Variants in ARSG observed in about 807,000 individuals in gnomAD.
ARSG encodes the protein arylsulfatase G, also known as ASG.
In ARSG, 37 loss-of-function variants were observed where a neutral mutation model predicts 50.5. The observed-to-expected ratio is 0.73, with a 90% CI of 0.56 to 0.96. The LOEUF is 0.96. ARSG is among the 50% of genes least tolerant of loss of function. The pLI is 0.00. For synonymous variants in ARSG, 225 were observed against 254.6 expected (o/e 0.88, Z 1.11); for missense variants, 629 against 675.3 (o/e 0.93, Z 0.76).
rs1411895872 is a variant in ARSG at position 68,418,116 on chromosome 17, C to T, written c.1304-2073C>T. On this transcript the variant is annotated intron_variant, in intron 11 of 11. Coordinates refer to ENST00000621439, the MANE Select transcript of ARSG (RefSeq NM_001267727.2). ...ACCTCCTTATGTGCCAGACTAGAAACTGGGAGTCTCCTATTTAGTCGTCCT... is the reference window on the plus strand; with the variant it reads ...ACCTCCTTATGTGCCAGACTAGAAATTGGGAGTCTCCTATTTAGTCGTCCT... 3.3e-5 allele frequency among the ~76,000 whole-genome samples: 5 copies of T among 152,132 alleles called. No homozygotes were observed. The East Asian group carries it at 5.8e-4, about 18-fold the overall frequency.
intron 2 of ARSG, among the ~76,000 whole-genome samples, chr17:68,337,051 G>A (rs1010880468): frequency 2.0e-5 from 3 of 152,058 alleles, no homozygotes; most frequent in African/African-American, 4.8e-5. Flanking sequence ...ATAGAACTTG[G>A]TGACCACCTG....
At chr17:68,337,246 G>A (rs963264690) in intron 2 of ARSG, among the ~76,000 whole-genome samples, 7 of 152,200 alleles carry the variant, frequency 4.6e-5, no homozygotes, top group Non-Finnish European at 1.0e-4. Context: ...CGGGAGGGGA[G>A]GGGAGCGAAG....
intron 11 of ARSG, among the ~76,000 whole-genome samples, chr17:68,404,363 C>A (rs1362796599): frequency 1.3e-5 from 2 of 152,146 alleles, no homozygotes; most frequent in Non-Finnish European, 2.9e-5. Flanking sequence ...GTTAAGGCAA[C>A]CTGTACACAA....
the ARSG span, chr17:68,429,919 T>G: frequency 6.3e-7 from 1 of 1,596,430 alleles, no homozygotes. Flanking sequence ...TCTTTTCAGG[T>G]TTGGGGATTT....
rs3072871 is a variant in ARSG, at chr17:68,419,017, C to CAAA, written c.1304-1157_1304-1155dup. ...TTAACTGCTTTTTCTATAGCAAAGC[C>CAAA]AAAAAAAAAAAAAAAAAGTCATCGG... On this transcript the variant is annotated intron_variant, in intron 11 of 11. Coordinates refer to ENST00000621439, the MANE Select transcript of ARSG (RefSeq NM_001267727.2). 2.6e-3 allele frequency among the ~76,000 whole-genome samples: 288 copies of CAAA among 112,916 alleles called. 2 individuals carry two copies. Among genetic ancestry groups the CAAA allele is most frequent in the African/African-American group, 4.7e-3 (155 of 33,266 alleles). The allele number at this position is 112,916 out of a possible 152,430, so 74.1% of individuals were successfully genotyped here.
intron 9 of ARSG, 102 bp downstream of exon 9, chr17:68,385,274 G>A (rs2080654955): frequency 3.0e-6 from 3 of 1,015,426 alleles, no homozygotes; most frequent in Non-Finnish European, 4.5e-6. Context: ...ATGGAGGCAT[G>A]GGTGGCTAGA....
At chr17:68,347,271 AC>A in intron 4 of ARSG, 99 bp downstream of exon 4, 1 of 1,375,790 alleles carries the variant, frequency 7.3e-7, no homozygotes, top group Middle Eastern at 1.8e-4. Context: ...TCTGGGGGCA[AC>A]CCTAAGTTAG....
intron 2 of ARSG, among the ~76,000 whole-genome samples, chr17:68,338,965 A>C (rs999204978): frequency 6.6e-6 from 1 of 152,204 alleles, no homozygotes; most frequent in Non-Finnish European, 1.5e-5. Flanking sequence ...TGAAATGATA[A>C]ATGAATCCCT....
chr17:68,392,479 C>G lies in ARSG; in HGVS notation c.1092-2594C>G, dbSNP rs191125763. 4.6e-5 allele frequency among the ~76,000 whole-genome samples: 7 copies of G among 152,198 alleles called. No individual in the cohort carries two copies. In the East Asian group the frequency reaches 1.4e-3, roughly 29 times the overall value. On this transcript the variant is annotated intron_variant, in intron 9 of 11. Coordinates refer to ENST00000621439, the MANE Select transcript of ARSG (RefSeq NM_001267727.2). ...TTCCGGATGCTCTCATTTTTTCAAC[C>G]ATAAACATTCGCTATTTTTATTTAT...
intron 2 of ARSG, among the ~76,000 whole-genome samples, chr17:68,311,561 A>G (rs1038528958): frequency 2.0e-5 from 3 of 152,172 alleles, no homozygotes; most frequent in Non-Finnish European, 4.4e-5. Context: ...GGTGGGTCCT[A>G]AATCCAGTGA....
downstream of ARSG, among the ~76,000 whole-genome samples, chr17:68,425,134 G>A (rs1452702995): frequency 6.6e-6 from 1 of 152,196 alleles, no homozygotes; most frequent in East Asian, 1.9e-4. Context: ...GCAGGTTGCT[G>A]GGAAACCCAG....
chr17:68,438,340 A>G, the ARSG span, among the ~76,000 whole-genome samples: 3 of 152,148 alleles, frequency 2.0e-5, no homozygotes, highest in Admixed American at 1.3e-4. Flanking sequence ...GGAAACCCCA[A>G]TTCCTCACCC....
intron 2 of ARSG, among the ~76,000 whole-genome samples, chr17:68,328,979 C>T (rs1039195262): frequency 6.6e-6 from 1 of 152,192 alleles, no homozygotes; most frequent in African/African-American, 2.4e-5. Flanking sequence ...TCTTGTGGAA[C>T]TCTAATCTGG....
chr17:68,331,536 G>T (rs1464507693), intron 2 of ARSG, among the ~76,000 whole-genome samples: 2 of 152,030 alleles, frequency 1.3e-5, no homozygotes, highest in Non-Finnish European at 2.9e-5. Flanking sequence ...GAGCCACTGC[G>T]CCTGGTGCAA....
chr17:68,267,402 C>G (rs2075190619), intron 1 of ARSG: 1 of 152,130 alleles, frequency 6.6e-6, no homozygotes, highest in South Asian at 2.1e-4. Context: ...TCATTTCCTC[C>G]CCCACCCTCC....
At chr17:68,444,910 G>A in the ARSG span, among the ~76,000 whole-genome samples, 1 of 137,200 alleles carries the variant, frequency 7.3e-6, no homozygotes, top group Non-Finnish European at 1.5e-5. Flanking sequence ...CAGGGATCCT[G>A]AACACTTTTT....
chr17:68,426,287 GTC>G (rs1320662842), downstream of ARSG: 2 of 824,998 alleles, frequency 2.4e-6, no homozygotes, highest in African/African-American at 3.3e-5. Flanking sequence ...CAAAGGGGCT[GTC>G]TGTCTTCCCC....
chr17:68,320,153 A>T (rs1409722551), intron 2 of ARSG, among the ~76,000 whole-genome samples: 1 of 152,142 alleles, frequency 6.6e-6, no homozygotes, highest in Non-Finnish European at 1.5e-5. Flanking sequence ...GTCGGGCGTG[A>T]TGGCGTGCGC....
Position 68,351,645 on chromosome 17 carries a change from C to T in ARSG, c.525C>T (p.His175=). Reference sequence around the variant, plus strand: ...GTACTGATACTCCAGGCTACAACCACCCTCCTTGTCCAGCGTGTCCACAGG... The same window carrying T: ...GTACTGATACTCCAGGCTACAACCATCCTCCTTGTCCAGCGTGTCCACAGG... ...MGCTDTPGYN[H]PPCPACPQGD... is the part of the protein sequence containing the mutation. The change falls in exon 5 of 12, where the codon CAC becomes CAT. Residue 175 remains histidine (H), a synonymous_variant. Coordinates refer to ENST00000621439, the MANE Select transcript of ARSG (RefSeq NM_001267727.2). 6.2e-7 allele frequency: 1 copy of T among 1,613,884 alleles called. No homozygotes were observed. The highest frequency in any genetic ancestry group is 8.5e-7 in the Non-Finnish European group (1 of 1,179,832).
Sources: allele counts gnomAD v4.1 joint callset (sites outside exome capture counted in the v4.1 genomes callset), GRCh38; gene constraint gnomAD v4.1.1; transcripts MANE v1.5; gene names NCBI Gene and HGNC (gene_info 2026-07-23, HGNC 2026-07-21).